Variants in GLYR1 observed in about 807,000 individuals in gnomAD.
The protein encoded by GLYR1 is cytokine-like nuclear factor N-PAC.
A neutral mutation model predicts 72.7 loss-of-function variants in GLYR1; 21 were observed. The ratio of observed to expected loss-of-function variants is 0.29; its 90% CI spans 0.20 to 0.42. GLYR1 has a LOEUF of 0.42. Ranked by LOEUF, GLYR1 falls within the 10% of genes least tolerant of loss-of-function variation. The pLI is 1.00. For missense variants in GLYR1, 594 were observed against 712.1 expected (o/e 0.83, Z 1.89); for synonymous variants, 392 against 270.2 (o/e 1.45, Z -4.42).
chr16:4,813,672 G>T, intron 12 of GLYR1, 65 bp downstream of exon 12: 1 of 1,387,640 alleles, frequency 7.2e-7, no homozygotes, highest in Non-Finnish European at 1.0e-6. Context: ...GCCCACTCTT[G>T]TAAGCCTGGG....
At chr16:4,841,258 C>A (rs2085524138) in intron 3 of GLYR1, among the ~76,000 whole-genome samples, 1 of 151,920 alleles carries the variant, frequency 6.6e-6, no homozygotes, top group South Asian at 2.1e-4. Context: ...CTCCAATTTT[C>A]TGTGTCCTAT....
chr16:4,840,746 A>G (rs1293153596), intron 3 of GLYR1, among the ~76,000 whole-genome samples: 3 of 152,220 alleles, frequency 2.0e-5, no homozygotes, highest in Admixed American at 1.3e-4. Context: ...AAGGTGAAAT[A>G]GCTTGCCCAA....
rs2084128648 is a variant in GLYR1, at chr16:4,822,876, T to C, written c.680A>G (p.Lys227Arg). Residue 227 changes from lysine (K) to arginine (R), a missense_variant and splice_region_variant, in exon 7 of 16, where the codon AAG becomes AGG. Lys to Arg is a conservative substitution (Grantham distance 26). Around this residue, in one of 5 missense-constraint regions of GLYR1, gnomAD observed 252 missense variants for 211.3 expected, o/e 1.19. Transcript: ENST00000321919. ...FHHFLLSQTE[K>R]PAVCYQAITK... Reference sequence around the variant, plus strand: ...CCAAGAGCCTCAAAGGCAACTCACCTTCTCTGTTTGGCTTAGCAGGAAATG... The same window carrying C: ...CCAAGAGCCTCAAAGGCAACTCACCCTCTCTGTTTGGCTTAGCAGGAAATG... 6.2e-7 allele frequency: 1 copy of C among 1,614,018 alleles called. No homozygotes were observed. Among genetic ancestry groups the C allele is most frequent in the Admixed American group, 1.7e-5 (1 of 60,022 alleles).
At chr16:4,838,024 G>C (rs1018706612) in intron 3 of GLYR1, among the ~76,000 whole-genome samples, 1 of 151,722 alleles carries the variant, frequency 6.6e-6, no homozygotes, top group African/African-American at 2.4e-5. Context: ...CAGAAGGTGT[G>C]GGTTTGCTTC....
intron 5 of GLYR1, among the ~76,000 whole-genome samples, chr16:4,828,419 C>T (rs554822589): frequency 6.6e-6 from 1 of 152,104 alleles, no homozygotes; most frequent in Non-Finnish European, 1.5e-5. Flanking sequence ...ACTTAATAGA[C>T]TACAGTATAA....
At chr16:4,821,210 C>G in intron 9 of GLYR1, 170 bp downstream of exon 9, 1 of 685,046 alleles carries the variant, frequency 1.5e-6, no homozygotes, top group South Asian at 1.9e-5. Context: ...CAGATTTACA[C>G]AGCTTTTGAC....
intron 3 of GLYR1, among the ~76,000 whole-genome samples, chr16:4,833,780 T>A (rs7194890): frequency 0.54 from 81,771 of 152,064 alleles, 22,821 homozygotes; most frequent in African/African-American, 0.68. Flanking sequence ...ATTCTGGGGT[T>A]TCTGATCTGT....
intron 5 of GLYR1, among the ~76,000 whole-genome samples, chr16:4,827,048 G>A (rs1259477118): frequency 2.0e-5 from 3 of 152,270 alleles, no homozygotes; most frequent in Admixed American, 6.5e-5. Flanking sequence ...CCCAGAAAGA[G>A]GGTAGGTGGG....
At chr16:4,834,526 G>A (rs186678715) in intron 3 of GLYR1, among the ~76,000 whole-genome samples, 2 of 151,374 alleles carry the variant, frequency 1.3e-5, no homozygotes, top group Admixed American at 6.6e-5. Flanking sequence ...GCAGTGGCAC[G>A]ATCTTAGCTA....
intron 15 of GLYR1, among the ~76,000 whole-genome samples, chr16:4,806,538 A>T (rs2082986991): frequency 1.4e-5 from 2 of 145,236 alleles, no homozygotes; most frequent in African/African-American, 5.1e-5. Flanking sequence ...CTAGTTTTTT[A>T]TTTTTTTTTG....
At chr16:4,811,318 G>A in intron 14 of GLYR1, 24 bp from the exon 15 acceptor site, 1 of 1,612,442 alleles carries the variant, frequency 6.2e-7, no homozygotes, top group Non-Finnish European at 8.5e-7. Context: ...GCCAGTATCA[G>A]ACAAAAGCCA....
chr16:4,822,505 C>T (rs1208160260), intron 7 of GLYR1, among the ~76,000 whole-genome samples: 4 of 152,060 alleles, frequency 2.6e-5, no homozygotes, highest in African/African-American at 9.7e-5. Context: ...ATTCTCCTGC[C>T]TCAGCCTCCT....
At chr16:4,806,393 G>A (rs1567631980) in intron 15 of GLYR1, among the ~76,000 whole-genome samples, 1 of 151,590 alleles carries the variant, frequency 6.6e-6, no homozygotes, top group Non-Finnish European at 1.5e-5. Flanking sequence ...GTCTTGCTCT[G>A]TTGCCCAGGC....
intron 3 of GLYR1, among the ~76,000 whole-genome samples, chr16:4,844,229 G>A (rs1286941167): frequency 6.6e-6 from 1 of 151,820 alleles, no homozygotes; most frequent in South Asian, 2.1e-4. Flanking sequence ...GGTTCTTCAC[G>A]TTCTTCCCGT....
At chr16:4,812,485 A>G (rs911495244) in intron 12 of GLYR1, among the ~76,000 whole-genome samples, 1 of 151,578 alleles carries the variant, frequency 6.6e-6, no homozygotes, top group Non-Finnish European at 1.5e-5. Flanking sequence ...CAGGAACCCA[A>G]CTGACTTGGA....
intron 2 of GLYR1, among the ~76,000 whole-genome samples, chr16:4,845,573 G>A (rs2085956683): frequency 6.6e-6 from 1 of 152,084 alleles, no homozygotes; most frequent in South Asian, 2.1e-4. Flanking sequence ...TCCTGTGCAG[G>A]AAGGGTTGAC....
chr16:4,847,219 C>A lies in GLYR1; in HGVS notation c.38+9G>T. ...GCGCGTCTCGGTTGGCCCGGCCGCT[C>A]GGACTCACCACACCAAGTCGCCGAG... On this transcript the variant is annotated intron_variant, in intron 1 of 15. Coordinates refer to ENST00000321919, the MANE Select transcript of GLYR1 (RefSeq NM_032569.4). The A allele has an allele frequency of 6.2e-7, 1 of 1,603,904 alleles. No homozygotes were observed. The highest frequency in any genetic ancestry group is 1.1e-5 in the South Asian group (1 of 90,074).
At chr16:4,812,031 G>A in intron 13 of GLYR1, 55 bp downstream of exon 13, 1 of 1,576,814 alleles carries the variant, frequency 6.3e-7, no homozygotes, top group Non-Finnish European at 8.6e-7. Flanking sequence ...TCATCAGTGT[G>A]AAACAGAGGA....
chr16:4,837,664 G>C (rs992725812), intron 3 of GLYR1, among the ~76,000 whole-genome samples: 23 of 151,970 alleles, frequency 1.5e-4, no homozygotes, highest in African/African-American at 5.6e-4. Context: ...ATAAAGGTGA[G>C]AACAAGCCGG....
Sources: allele counts gnomAD v4.1 joint callset (sites outside exome capture counted in the v4.1 genomes callset), GRCh38; gene constraint gnomAD v4.1.1; regional missense constraint gnomAD v4.1.1; transcripts MANE v1.5; gene names NCBI Gene and HGNC (gene_info 2026-07-23, HGNC 2026-07-21).